Variants in NDUFS4 observed in about 807,000 individuals in gnomAD.
NDUFS4 encodes NADH dehydrogenase [ubiquinone] iron-sulfur protein 4, mitochondrial.
In NDUFS4, 28 loss-of-function variants were observed where a neutral mutation model predicts 24.3. The observed-to-expected ratio is 1.15, with a 90% CI of 0.85 to 1.58. The LOEUF (loss-of-function observed/expected upper bound fraction) is 1.58, where lower values mean the gene tolerates loss of function less well. NDUFS4 is among the 40% of genes most tolerant of loss of function. The probability of loss-of-function intolerance (pLI) is 0.00; values close to 1 mark genes in which losing one functional copy is unlikely to be tolerated. For synonymous variants in NDUFS4, 93 were observed against 69.7 expected (o/e 1.34, Z -1.67); for missense variants, 223 against 207.9 (o/e 1.07, Z -0.45).
chr5:53,597,823 A>C (rs187913170), intron 1 of NDUFS4, among the ~76,000 whole-genome samples: 362 of 152,312 alleles, frequency 2.4e-3, no homozygotes, highest in Non-Finnish European at 3.7e-3. Flanking sequence ...GACAAGCCAC[A>C]GACTAGGAAG....
rs181036585 is a variant in NDUFS4 at position 53,570,746 on chromosome 5, C to T, written c.98+9986C>T. On this transcript the variant is annotated intron_variant, in intron 1 of 4. Transcript: ENST00000296684. ...TCACCCAGGCTGGAGTGCAGTGGCA[C>T]GATCTTGGCTCACTGCAAGCTCCGC... 3.6e-3 allele frequency among the ~76,000 whole-genome samples: 525 copies of T among 146,620 alleles called. 3 individuals carry two copies. The highest frequency in any genetic ancestry group is 0.013 in the African/African-American group (510 of 39,490).
chr5:53,601,713 G>A (rs951167477), intron 1 of NDUFS4, among the ~76,000 whole-genome samples: 7 of 152,140 alleles, frequency 4.6e-5, no homozygotes, highest in African/African-American at 1.7e-4. Flanking sequence ...ATTCTGAGTA[G>A]TGTGATGAAA....
intron 2 of NDUFS4, among the ~76,000 whole-genome samples, chr5:53,616,933 T>A (rs557425884): frequency 6.6e-6 from 1 of 152,318 alleles, no homozygotes; most frequent in Non-Finnish European, 1.5e-5. Flanking sequence ...TTTGGTGATT[T>A]TTTTTCTATT....
At chr5:53,615,261 C>T (rs1383549052) in intron 2 of NDUFS4, among the ~76,000 whole-genome samples, 1 of 151,866 alleles carries the variant, frequency 6.6e-6, no homozygotes, top group African/African-American at 2.4e-5. Context: ...TTGTTAAAGC[C>T]TTATATCTGC....
chr5:53,570,684 CT>C (rs70983360), intron 1 of NDUFS4, among the ~76,000 whole-genome samples: 32,147 of 119,020 alleles, frequency 0.27, 1,912 homozygotes, highest in Non-Finnish European at 0.31. Flanking sequence ...ATTTTTTTTT[CT>C]TTTTTTTTTT....
intron 2 of NDUFS4, among the ~76,000 whole-genome samples, chr5:53,636,883 G>A (rs1751571973): frequency 6.6e-6 from 1 of 152,120 alleles, no homozygotes; most frequent in Non-Finnish European, 1.5e-5. Context: ...CTCTGGCTTT[G>A]CTGTAAAAAG....
intron 3 of NDUFS4, among the ~76,000 whole-genome samples, chr5:53,651,293 G>A (rs746132119): frequency 6.6e-6 from 1 of 151,714 alleles, no homozygotes; most frequent in African/African-American, 2.4e-5. Flanking sequence ...TAATTTTACT[G>A]CTTGGACATA....
chr5:53,561,170 A>C (rs999933670), intron 1 of NDUFS4, among the ~76,000 whole-genome samples: 2 of 152,044 alleles, frequency 1.3e-5, no homozygotes, highest in Non-Finnish European at 2.9e-5. Context: ...GGGTTAAATC[A>C]CTGTATCCCT....
Position 53,683,315 on chromosome 5 carries a change from A to G in NDUFS4, c.*94A>G. ...TAATAAATACATCTCTTAATCTCCT[A>G]ATAAATTGGACCTTTAAACTACAGA... is the stretch of plus-strand genomic sequence containing the variant. On this transcript the variant is annotated 3_prime_UTR_variant, in exon 5 of 5. Transcript: ENST00000296684. The G allele has an allele frequency of 2.2e-5, 20 of 907,990 alleles. No individual in the cohort carries two copies. Among genetic ancestry groups the G allele is most frequent in the Non-Finnish European group, 3.4e-5 (19 of 551,900 alleles). The allele number at this position is 907,990 out of a possible 1,614,324, so 56.2% of individuals were successfully genotyped here.
intron 2 of NDUFS4, among the ~76,000 whole-genome samples, chr5:53,630,278 G>T (rs865820969): frequency 6.6e-6 from 1 of 152,040 alleles, no homozygotes; most frequent in Non-Finnish European, 1.5e-5. Context: ...TCCCTTTGTG[G>T]TTAACTCGAC....
chr5:53,577,385 C>T (rs1398443673), intron 1 of NDUFS4, among the ~76,000 whole-genome samples: 1 of 151,996 alleles, frequency 6.6e-6, no homozygotes, highest in African/African-American at 2.4e-5. Context: ...ATTCCTGCAG[C>T]TGTGGCTGAA....
chr5:53,566,045 T>C (rs903942402), intron 1 of NDUFS4, among the ~76,000 whole-genome samples: 5 of 151,790 alleles, frequency 3.3e-5, no homozygotes, highest in Non-Finnish European at 5.9e-5. Context: ...CGGTGGCGGG[T>C]GCCTGTAATC....
At position 53,637,371 on chromosome 5, in the gene NDUFS4, A is replaced by G. The variant is rs116656377; in HGVS notation, c.178-8862A>G. Among the ~76,000 whole-genome samples the G allele has an allele frequency of 1.0e-3, 157 of 152,302 alleles. 1 individual carries two copies. Among genetic ancestry groups the G allele is most frequent in the African/African-American group, 3.2e-3 (134 of 41,576 alleles). On this transcript the variant is annotated intron_variant, in intron 2 of 4. Transcript: ENST00000296684. ...AAGTCAAACTTAGTTTCTTAAAGTT[A>G]TTTGGTTGTATTTGAAAATAAGACA...
At chr5:53,570,696 T>TC (rs1296855110) in intron 1 of NDUFS4, among the ~76,000 whole-genome samples, 6 of 148,922 alleles carry the variant, frequency 4.0e-5, no homozygotes, top group Non-Finnish European at 7.4e-5. Context: ...TTTTTTTTTT[T>TC]TTTTTGAGAC....
chr5:53,593,969 C>T lies in NDUFS4; in HGVS notation c.99-9483C>T, dbSNP rs192153327. Among the ~76,000 whole-genome samples the T allele has an allele frequency of 4.6e-5, 7 of 152,130 alleles. No individual in the cohort carries two copies. The East Asian group carries it at 9.7e-4, about 21-fold the overall frequency. ...ATGTTTTATGTCCCAGAATGTGGCC[C>T]ATCTTGGTGAATGTTTCACTTGAGT... On this transcript the variant is annotated intron_variant, in intron 1 of 4. Transcript: ENST00000296684.
chr5:53,577,015 C>T (rs1749410497), intron 1 of NDUFS4, among the ~76,000 whole-genome samples: 1 of 151,992 alleles, frequency 6.6e-6, no homozygotes, highest in Non-Finnish European at 1.5e-5. Context: ...AGGGCTTCAC[C>T]TTAGTTTGTC....
Position 53,570,204 on chromosome 5 carries a change from A to C in NDUFS4, c.98+9444A>C, listed in dbSNP as rs79908180. On this transcript the variant is annotated intron_variant, in intron 1 of 4. Transcript: ENST00000296684. ...CATGTTATCCTTCCCTGACCGCTGTAATCCCTGTCCACAGTTATCTTTTTT... is the reference window on the plus strand; with the variant it reads ...CATGTTATCCTTCCCTGACCGCTGTCATCCCTGTCCACAGTTATCTTTTTT... Among the ~76,000 whole-genome samples the C allele has an allele frequency of 3.5e-3, 533 of 152,326 alleles. 17 individuals are homozygous for C. The East Asian group carries it at 0.07, about 20-fold the overall frequency.
chr5:53,682,706 C>G (rs1740707417), intron 4 of NDUFS4, among the ~76,000 whole-genome samples: 1 of 151,922 alleles, frequency 6.6e-6, no homozygotes, highest in Non-Finnish European at 1.5e-5. Context: ...TGGAAGAGTT[C>G]CAAACTCTTG....
intron 3 of NDUFS4, 59 bp from the exon 4 acceptor site, chr5:53,658,492 A>G: frequency 8.7e-7 from 1 of 1,152,128 alleles, no homozygotes; most frequent in Admixed American, 1.7e-5. Context: ...TTAAATATTG[A>G]TTTTGTTTCT....
Sources: gnomAD v4.1 joint callset for allele counts (sites outside exome capture counted in the v4.1 genomes callset) on GRCh38, gnomAD v4.1.1 for gene constraint, MANE v1.5 for transcripts, NCBI Gene and HGNC (gene_info 2026-07-23, HGNC 2026-07-21) for gene names.